Variants in VCL observed in about 807,000 individuals in gnomAD.
The protein encoded by VCL is epididymis luminal protein 114.
VCL carries 47 observed loss-of-function variants against 125.7 expected under a neutral mutation model. The ratio of observed to expected loss-of-function variants is 0.37; its 90% CI spans 0.30 to 0.48. VCL has a LOEUF of 0.48. Among genes scored for constraint, VCL ranks in the 20% least tolerant of loss-of-function variants. VCL has a pLI of 0.99. For synonymous variants in VCL, 458 were observed against 514.6 expected, an observed-to-expected ratio of 0.89 and a Z score of 1.49; for missense variants, 1,069 against 1,455.5, an observed-to-expected ratio of 0.73 and a Z score of 4.32.
intron 1 of VCL, among the ~76,000 whole-genome samples, chr10:74,009,512 G>A (rs1344706624): frequency 1.3e-5 from 2 of 152,082 alleles, no homozygotes; most frequent in Admixed American, 6.6e-5. Context: ...GCCTGCCTCA[G>A]CCTCCCAAAG....
At chr10:74,089,098 A>C in intron 8 of VCL, 98 bp from the exon 9 acceptor site, 1 of 1,552,600 alleles carries the variant, frequency 6.4e-7, no homozygotes, top group Non-Finnish European at 8.8e-7. Context: ...GAAAAAGCCA[A>C]GCATGTTCAT....
intron 1 of VCL, among the ~76,000 whole-genome samples, chr10:74,022,640 C>CTT (rs1388462004): frequency 2.8e-5 from 4 of 142,882 alleles, no homozygotes; most frequent in Admixed American, 7.0e-5. Context: ...TCCGTAATGT[C>CTT]TTTTTTTTTT....
chr10:74,036,631 GA>G (rs1840983984), intron 1 of VCL, among the ~76,000 whole-genome samples: 3 of 151,954 alleles, frequency 2.0e-5, no homozygotes, highest in Admixed American at 2.0e-4. Context: ...AGCTACTTGG[GA>G]GGCTGAGGTG....
chr10:74,025,142 A>G (rs1253029179), intron 1 of VCL, among the ~76,000 whole-genome samples: 5 of 151,872 alleles, frequency 3.3e-5, no homozygotes, highest in Admixed American at 6.6e-5. Context: ...TCAGCCTCCC[A>G]ACTAGCTGGG....
rs893742950 is a variant in VCL, at chr10:74,068,087, G to A, written c.240-2583G>A. Among the ~76,000 whole-genome samples, 6 of 152,322 alleles carry A rather than the reference G, an allele frequency of 3.9e-5. No homozygotes were observed. In the East Asian group the frequency reaches 1.2e-3, roughly 29 times the overall value. The stretch of plus-strand genomic sequence containing the variant: ...TTGAATTGGTGAGAAGGTAAGAACT[G>A]TTTAGTATAACTTCTGCAGATTGCA... On this transcript the variant is annotated intron_variant, in intron 2 of 21. Transcript: ENST00000211998.
chr10:74,101,609 G>A (rs1376687982), intron 14 of VCL, among the ~76,000 whole-genome samples: 14 of 126,250 alleles, frequency 1.1e-4, no homozygotes, highest in African/African-American at 4.4e-4. Context: ...ACTGTGGACT[G>A]CAGTGGCGCA....
intron 1 of VCL, among the ~76,000 whole-genome samples, chr10:74,035,706 A>T (rs1040860344): frequency 2.0e-5 from 3 of 152,198 alleles, no homozygotes; most frequent in Admixed American, 6.5e-5. Flanking sequence ...AACAAGTCTG[A>T]GTTTCTCTCG....
chr10:74,118,535 T>G lies in VCL; in HGVS notation c.*366T>G. ...GGGGACACTTCCCTCTGTTTCTCTT[T>G]CCTTGGCTCCCATTCACTCTTCCAG... On this transcript the variant is annotated 3_prime_UTR_variant, in exon 22 of 22. Transcript: ENST00000211998. 1 of 314,946 alleles carries G rather than the reference T, an allele frequency of 3.2e-6. No individual in the cohort carries two copies. Among genetic ancestry groups the G allele is most frequent in the Non-Finnish European group, 6.2e-6 (1 of 160,734 alleles). 19.5% of individuals were successfully genotyped at this position (314,946 alleles called of 1,614,324 possible). A position where few individuals can be genotyped will look rare whatever the true frequency, so the allele number is the denominator to read the frequency against.
intron 6 of VCL, 41 bp downstream of exon 6, chr10:74,074,944 C>T: frequency 1.9e-6 from 3 of 1,612,832 alleles, no homozygotes; most frequent in Non-Finnish European, 2.5e-6. Context: ...ATCCCCAACT[C>T]TCCCTGGCTG....
intron 17 of VCL, 47 bp from the exon 18 acceptor site, chr10:74,108,924 G>T (rs755066902): frequency 1.2e-6 from 2 of 1,607,440 alleles, no homozygotes; most frequent in Non-Finnish European, 1.7e-6. Flanking sequence ...AATTCCAGGG[G>T]GGAGTAGTTT....
intron 1 of VCL, among the ~76,000 whole-genome samples, chr10:74,028,685 T>C (rs976544516): frequency 3.4e-5 from 5 of 146,220 alleles, no homozygotes; most frequent in Admixed American, 6.9e-5. Context: ...GCGTGAGCTA[T>C]GGCGCCTGGC....
intron 21 of VCL, among the ~76,000 whole-genome samples, chr10:74,117,524 A>G (rs953752021): frequency 6.6e-6 from 1 of 152,194 alleles, no homozygotes; most frequent in African/African-American, 2.4e-5. Flanking sequence ...ATGTGGCAGC[A>G]TGTACCTATT....
At chr10:74,041,789 G>C (rs1008407458) in intron 1 of VCL, among the ~76,000 whole-genome samples, 2 of 151,886 alleles carry the variant, frequency 1.3e-5, no homozygotes, top group Non-Finnish European at 2.9e-5. Flanking sequence ...TGTAGTCCCA[G>C]CTACTTGGGA....
intron 2 of VCL, among the ~76,000 whole-genome samples, chr10:74,054,557 T>C (rs1205696113): frequency 1.3e-5 from 2 of 152,244 alleles, no homozygotes; most frequent in Non-Finnish European, 2.9e-5. Context: ...CCTGTAACTC[T>C]TTTATTACAT....
chr10:74,117,035 G>A (rs1299685627), intron 21 of VCL, among the ~76,000 whole-genome samples: 1 of 152,178 alleles, frequency 6.6e-6, no homozygotes, highest in East Asian at 1.9e-4. Flanking sequence ...TTCTATGGTA[G>A]AGTACCAATG....
At chr10:74,101,355 G>A (rs551505119) in intron 14 of VCL, among the ~76,000 whole-genome samples, 53 of 151,766 alleles carry the variant, frequency 3.5e-4, no homozygotes, top group South Asian at 6.2e-4. Context: ...GTGTGGTGGC[G>A]CATGCCTGTG....
intron 2 of VCL, among the ~76,000 whole-genome samples, chr10:74,062,050 A>G (rs1366954347): frequency 1.3e-5 from 2 of 151,140 alleles, no homozygotes; most frequent in Non-Finnish European, 3.0e-5. Flanking sequence ...GGCGCACAAC[A>G]CCATGCCATT....
intron 9 of VCL, among the ~76,000 whole-genome samples, chr10:74,089,744 A>G (rs894422900): frequency 3.3e-5 from 5 of 152,284 alleles, no homozygotes; most frequent in East Asian, 1.9e-4. Flanking sequence ...ACAAACACAC[A>G]TGTTTGAGGA....
At chr10:74,117,995 G>A in intron 21 of VCL, 28 bp from the exon 22 acceptor site, 1 of 1,613,280 alleles carries the variant, frequency 6.2e-7, no homozygotes, top group Non-Finnish European at 8.5e-7. Flanking sequence ...GGGACCCTGG[G>A]TAACGGAAAG....
Sources: gnomAD v4.1 joint callset for allele counts (sites outside exome capture counted in the v4.1 genomes callset) on GRCh38, gnomAD v4.1.1 for gene constraint, MANE v1.5 for transcripts, NCBI Gene and HGNC (gene_info 2026-07-23, HGNC 2026-07-21) for gene names.